Variants in ELP4 observed in about 807,000 individuals in gnomAD.
ELP4 encodes the protein elongator complex protein 4.
ELP4 carries 51 observed loss-of-function variants against 48.9 expected under a neutral mutation model. That is an observed-to-expected ratio of 1.04 (90% confidence interval 0.83 to 1.32). ELP4 has a LOEUF of 1.32. Among genes scored for constraint, ELP4 ranks in the 40% most tolerant of loss-of-function variants. ELP4 has a pLI of 0.00. For synonymous variants in ELP4, 210 were observed against 189.2 expected (o/e 1.11, Z -0.90); for missense variants, 519 against 514.6 (o/e 1.01, Z -0.08).
intron 9 of ELP4, among the ~76,000 whole-genome samples, chr11:31,777,356 T>C (rs576157551): frequency 6.6e-6 from 1 of 152,298 alleles, no homozygotes; most frequent in African/African-American, 2.4e-5. Context: ...GGGGAGACTA[T>C]GAACACATTG....
intron 3 of ELP4, among the ~76,000 whole-genome samples, chr11:31,550,001 G>T (rs1956814575): frequency 6.6e-6 from 1 of 152,104 alleles, no homozygotes; most frequent in Admixed American, 6.5e-5. Flanking sequence ...TGGGGTAGGG[G>T]GGAGGGATAG....
chr11:31,554,200 A>G (rs532369956), intron 3 of ELP4, among the ~76,000 whole-genome samples: 2 of 152,340 alleles, frequency 1.3e-5, no homozygotes, highest in South Asian at 4.1e-4. Flanking sequence ...AATGATAGAA[A>G]TAAAATGCAC....
At chr11:31,698,360 C>T (rs1946453467) in intron 9 of ELP4, among the ~76,000 whole-genome samples, 1 of 152,038 alleles carries the variant, frequency 6.6e-6, no homozygotes, top group Admixed American at 6.6e-5. Context: ...TACTAATGAA[C>T]ACAAAGTATA....
At chr11:31,634,428 CTT>C (rs1188917050) in intron 7 of ELP4, 3 of 151,898 alleles carry the variant, frequency 2.0e-5, no homozygotes, top group African/African-American at 7.2e-5. Flanking sequence ...ACATATGTAA[CTT>C]TAAATTTTAT....
chr11:31,661,649 C>T (rs896525777), intron 9 of ELP4, among the ~76,000 whole-genome samples: 2 of 145,126 alleles, frequency 1.4e-5, no homozygotes, highest in Non-Finnish European at 3.1e-5. Context: ...TGATATTGCT[C>T]AAAACATGTA....
Position 31,783,541 on chromosome 11 carries a change from G to T in ELP4, c.*17G>T, listed in dbSNP as rs1175047033. ...GACTTCTAGGGATTCCTCCTTAGTC[G>T]CTGCATGCAGAATTCTATGACACTC... On this transcript the variant is annotated 3_prime_UTR_variant, in exon 10 of 10. Coordinates refer to ENST00000640961, the MANE Select transcript of ELP4 (RefSeq NM_019040.5). The T allele has an allele frequency of 6.2e-7, 1 of 1,610,078 alleles. No homozygotes were observed.
intron 1 of ELP4, among the ~76,000 whole-genome samples, chr11:31,516,588 C>G (rs1390246745): frequency 6.6e-6 from 1 of 152,186 alleles, no homozygotes; most frequent in East Asian, 1.9e-4. Context: ...CATAACTTCC[C>G]ATGCTCAATT....
intron 1 of ELP4, among the ~76,000 whole-genome samples, chr11:31,515,944 A>T (rs911699062): frequency 6.6e-6 from 1 of 152,156 alleles, no homozygotes; most frequent in East Asian, 1.9e-4. Flanking sequence ...CCCCGTCGCT[A>T]CTAAAAATAC....
chr11:31,601,246 A>G lies in ELP4; in HGVS notation c.514-2522A>G, dbSNP rs1957775355. The stretch of plus-strand genomic sequence containing the variant: ...GGCCTCAAAAGATTTCAGTGTTTCA[A>G]AATCTGATTATATGTTAATGTTATA... On this transcript the variant is annotated intron_variant, in intron 4 of 9. Coordinates refer to ENST00000640961, the MANE Select transcript of ELP4 (RefSeq NM_019040.5). 2.6e-5 allele frequency among the ~76,000 whole-genome samples: 4 copies of G among 151,140 alleles called. No homozygotes were observed. The South Asian group carries it at 8.3e-4, about 31-fold the overall frequency.
chr11:31,570,293 A>T (rs1957173518), intron 3 of ELP4, among the ~76,000 whole-genome samples: 1 of 152,104 alleles, frequency 6.6e-6, no homozygotes, highest in African/African-American at 2.4e-5. Flanking sequence ...TATAAGTAGG[A>T]GCAAAACATC....
intron 5 of ELP4, among the ~76,000 whole-genome samples, chr11:31,606,824 G>C (rs1198650526): frequency 6.6e-6 from 1 of 152,148 alleles, no homozygotes; most frequent in African/African-American, 2.4e-5. Context: ...CCATTTTTCA[G>C]TGTCGTCTTT....
intron 9 of ELP4, among the ~76,000 whole-genome samples, chr11:31,778,861 T>A (rs936338833): frequency 2.2e-4 from 34 of 152,272 alleles, no homozygotes; most frequent in African/African-American, 7.5e-4. Flanking sequence ...GTTTGTTTGT[T>A]TTTTGAGACA....
intron 5 of ELP4, among the ~76,000 whole-genome samples, chr11:31,624,309 T>C (rs191580294): frequency 1.3e-5 from 2 of 151,888 alleles, no homozygotes; most frequent in East Asian, 3.9e-4. Context: ...TCTACATACC[T>C]AGGCTCTATA....
intron 9 of ELP4, chr11:31,650,452 A>G (rs1945296734): frequency 2.8e-6 from 1 of 354,586 alleles, no homozygotes; most frequent in Non-Finnish European, 5.0e-6. Context: ...TTGAATATCT[A>G]TTAAAAGTAA....
intron 2 of ELP4, among the ~76,000 whole-genome samples, chr11:31,538,463 C>G (rs1956539375): frequency 6.7e-6 from 1 of 148,668 alleles, no homozygotes; most frequent in South Asian, 2.1e-4. Flanking sequence ...GCCATAAAAC[C>G]AAAGCCAGTA....
At chr11:31,758,041 TA>T (rs1281502323) in intron 9 of ELP4, among the ~76,000 whole-genome samples, 1 of 152,220 alleles carries the variant, frequency 6.6e-6, no homozygotes, top group Non-Finnish European at 1.5e-5. Flanking sequence ...CTGATCATTA[TA>T]ATTTTCTAAA....
intron 9 of ELP4, among the ~76,000 whole-genome samples, chr11:31,748,375 G>T (rs1947644627): frequency 6.6e-6 from 1 of 151,696 alleles, no homozygotes; most frequent in African/African-American, 2.4e-5. Context: ...TTCCCCAGTA[G>T]CTGGGACTAC....
At chr11:31,539,828 A>G in intron 3 of ELP4, 45 bp downstream of exon 3, 1 of 1,514,226 alleles carries the variant, frequency 6.6e-7, no homozygotes, top group South Asian at 1.4e-5. Context: ...ATGTTTCATG[A>G]AAAAATATTG....
At chr11:31,517,187 AC>A (rs1485173967) in intron 1 of ELP4, among the ~76,000 whole-genome samples, 3 of 151,384 alleles carry the variant, frequency 2.0e-5, no homozygotes, top group Admixed American at 2.0e-4. Context: ...TATCAAAGGA[AC>A]TTTTTTTTTT....
Sources: gnomAD v4.1 joint callset for allele counts (sites outside exome capture counted in the v4.1 genomes callset) on GRCh38, gnomAD v4.1.1 for gene constraint, MANE v1.5 for transcripts, NCBI Gene and HGNC (gene_info 2026-07-23, HGNC 2026-07-21) for gene names.